Variants in B4GALT5 observed in about 807,000 individuals in gnomAD.
The protein encoded by B4GALT5 is UDP-Gal:beta-GlcNAc beta-1,4-galactosyltransferase 5.
B4GALT5 carries 11 observed loss-of-function variants against 45.0 expected under a neutral mutation model. The ratio of observed to expected loss-of-function variants is 0.24; its 90% CI spans 0.15 to 0.40. The LOEUF (loss-of-function observed/expected upper bound fraction) is 0.40, where lower values mean the gene tolerates loss of function less well. B4GALT5 is among the 10% of genes least tolerant of loss of function. The pLI, the probability that B4GALT5 is intolerant of heterozygous loss-of-function variation, is 1.00. For synonymous variants in B4GALT5, 185 were observed against 182.9 expected, an observed-to-expected ratio of 1.01 and a Z score of -0.09; for missense variants, 337 against 500.2, an observed-to-expected ratio of 0.67 and a Z score of 3.11.
chr20:49,650,560 C>G (rs1205535244), intron 2 of B4GALT5, among the ~76,000 whole-genome samples: 2 of 151,798 alleles, frequency 1.3e-5, no homozygotes, highest in Admixed American at 6.6e-5. Flanking sequence ...TCGCTTGAAC[C>G]CAGGAGGCAG....
At chr20:49,695,465 G>T (rs975337876) in intron 1 of B4GALT5, among the ~76,000 whole-genome samples, 1 of 151,056 alleles carries the variant, frequency 6.6e-6, no homozygotes, top group African/African-American at 2.4e-5. Context: ...AAGCTGGAGC[G>T]CAATGGCGCA....
chr20:49,682,960 G>A lies in B4GALT5; in HGVS notation c.116-26258C>T, dbSNP rs570726139. On this transcript the variant is annotated intron_variant, in intron 1 of 8. Coordinates refer to ENST00000371711, the MANE Select transcript of B4GALT5 (RefSeq NM_004776.4). ...TAAAAAAATATTAGCCCGGCATGGT[G>A]GTGTGCACCTGTAGTCCCAGCCAGT... is the stretch of plus-strand genomic sequence containing the variant. 7.9e-5 allele frequency among the ~76,000 whole-genome samples: 12 copies of A among 152,152 alleles called. No homozygotes were observed. In the East Asian group the frequency reaches 2.1e-3, roughly 27 times the overall value.
intron 2 of B4GALT5, among the ~76,000 whole-genome samples, chr20:49,650,861 C>T (rs1052713469): frequency 6.6e-6 from 1 of 152,138 alleles, no homozygotes; most frequent in Non-Finnish European, 1.5e-5. Context: ...CATGTACCTA[C>T]TGAATGAGGA....
At chr20:49,660,210 A>G (rs894710258) in intron 1 of B4GALT5, among the ~76,000 whole-genome samples, 2 of 152,156 alleles carry the variant, frequency 1.3e-5, no homozygotes, top group Middle Eastern at 3.2e-3. Flanking sequence ...TTGTGACCAC[A>G]CTAACGGAGT....
intron 1 of B4GALT5, among the ~76,000 whole-genome samples, chr20:49,697,731 G>A (rs1228543231): frequency 6.6e-6 from 1 of 152,068 alleles, no homozygotes; most frequent in East Asian, 1.9e-4. Flanking sequence ...TAGAGGAAGG[G>A]GGATGGAATC....
At chr20:49,702,604 CAGCACTCTGGG>C (rs922025362) in intron 1 of B4GALT5, among the ~76,000 whole-genome samples, 5 of 152,098 alleles carry the variant, frequency 3.3e-5, no homozygotes, top group South Asian at 2.1e-4. Flanking sequence ...CCTGTAATCC[CAGCACTCTGGG>C]AGGCGGGGGT....
rs558946626 is a variant in B4GALT5, at chr20:49,687,340, TCA to T, written c.115+26234_115+26235del. ...AAACGTTAAGTTTATATTTGCTGGT[TCA>T]CATTTATTGGATTAATAAACATGCT... On this transcript the variant is annotated intron_variant, in intron 1 of 8. Coordinates refer to ENST00000371711, the MANE Select transcript of B4GALT5 (RefSeq NM_004776.4). Among the ~76,000 whole-genome samples, 30 of 152,332 alleles carry T rather than the reference TCA, an allele frequency of 2.0e-4. No individual in the cohort carries two copies. The South Asian group carries it at 5.8e-3, about 29-fold the overall frequency.
At chr20:49,650,423 A>G (rs1402743160) in intron 2 of B4GALT5, among the ~76,000 whole-genome samples, 4 of 150,858 alleles carry the variant, frequency 2.7e-5, no homozygotes, top group Non-Finnish European at 5.9e-5. Context: ...GTTCGAGATC[A>G]GCCTGGCCAA....
chr20:49,652,350 A>G (rs548708254), intron 2 of B4GALT5, among the ~76,000 whole-genome samples: 1 of 148,248 alleles, frequency 6.7e-6, no homozygotes, highest in South Asian at 2.1e-4. Context: ...ATTTGAGAAA[A>G]GACCAAACAC....
intron 1 of B4GALT5, among the ~76,000 whole-genome samples, chr20:49,684,087 G>C (rs1013282497): frequency 9.9e-5 from 15 of 151,920 alleles, no homozygotes; most frequent in African/African-American, 3.6e-4. Flanking sequence ...GCTGCAGTGA[G>C]CTGAGATCAC....
intron 1 of B4GALT5, among the ~76,000 whole-genome samples, chr20:49,691,951 A>G (rs778229094): frequency 3.3e-5 from 5 of 152,350 alleles, no homozygotes; most frequent in Non-Finnish European, 7.4e-5. Flanking sequence ...TTATGAAGCT[A>G]CAATGAATGA....
intron 1 of B4GALT5, among the ~76,000 whole-genome samples, chr20:49,660,231 C>A (rs1016832714): frequency 6.6e-6 from 1 of 152,318 alleles, no homozygotes; most frequent in East Asian, 1.9e-4. Flanking sequence ...TGTCCAGATG[C>A]AATAGGATGA....
chr20:49,643,641 A>T lies in B4GALT5; in HGVS notation c.374T>A (p.Ile125Lys), dbSNP rs760073543. ...PERLPSMKGP[I>K]DINMSEIGMD... is the part of the protein sequence containing the mutation. The stretch of plus-strand genomic sequence containing the variant: ...TCCAATTTCACTCATGTTTATGTCT[A>T]TTGGGCCCTCTGAACAGAGACGGGG... The change falls in exon 4 of 9, where the codon ATA (isoleucine) becomes AAA (lysine). Residue 125 changes from isoleucine (I) to lysine (K), a missense_variant. Coordinates refer to ENST00000371711, the MANE Select transcript of B4GALT5 (RefSeq NM_004776.4). The T allele has an allele frequency of 6.2e-7, 1 of 1,613,816 alleles. No individual in the cohort carries two copies. Among genetic ancestry groups the T allele is most frequent in the Admixed American group, 1.7e-5 (1 of 59,998 alleles).
chr20:49,697,617 C>T lies in B4GALT5; in HGVS notation c.115+15959G>A, dbSNP rs1361884337. On this transcript the variant is annotated intron_variant, in intron 1 of 8. Transcript: ENST00000371711. The stretch of plus-strand genomic sequence containing the variant: ...AACAGAAAAACACTCATTTAGATAC[C>T]TGGTTTAGTAAGACATCTGAACAAC... 3.3e-5 allele frequency among the ~76,000 whole-genome samples: 5 copies of T among 149,632 alleles called. No individual in the cohort carries two copies. In the East Asian group the frequency reaches 9.8e-4, roughly 29 times the overall value.
chr20:49,700,197 A>G (rs2085855963), intron 1 of B4GALT5, among the ~76,000 whole-genome samples: 1 of 152,226 alleles, frequency 6.6e-6, no homozygotes, highest in Non-Finnish European at 1.5e-5. Context: ...ATAAACTTCT[A>G]AATAAATTGA....
chr20:49,667,231 GTT>G (rs59201583), intron 1 of B4GALT5, among the ~76,000 whole-genome samples: 19 of 138,086 alleles, frequency 1.4e-4, no homozygotes, highest in East Asian at 2.1e-4. Context: ...TTTTTGAAGT[GTT>G]TTTTTTTTTT....
At chr20:49,665,820 GC>G (rs1013265744) in intron 1 of B4GALT5, among the ~76,000 whole-genome samples, 3 of 151,222 alleles carry the variant, frequency 2.0e-5, no homozygotes, top group African/African-American at 7.3e-5. Flanking sequence ...GAGCACTGAA[GC>G]AGGAGAGGGA....
intron 1 of B4GALT5, among the ~76,000 whole-genome samples, chr20:49,698,264 A>G (rs958311075): frequency 6.6e-6 from 1 of 152,184 alleles, no homozygotes; most frequent in Non-Finnish European, 1.5e-5. Context: ...TGGAGGTTGC[A>G]GTGAGCCGAG....
chr20:49,698,550 C>T (rs1205376908), intron 1 of B4GALT5, among the ~76,000 whole-genome samples: 2 of 152,072 alleles, frequency 1.3e-5, no homozygotes, highest in South Asian at 4.1e-4. Context: ...AATTAACAAT[C>T]GAAGAGAAAA....
Sources: gnomAD v4.1 joint callset for allele counts (sites outside exome capture counted in the v4.1 genomes callset) on GRCh38, gnomAD v4.1.1 for gene constraint, MANE v1.5 for transcripts, NCBI Gene and HGNC (gene_info 2026-07-23, HGNC 2026-07-21) for gene names.